Variants in NCOA1 observed in about 807,000 individuals in gnomAD.
The protein encoded by NCOA1 is nuclear receptor coactivator 1.
NCOA1 carries 35 observed loss-of-function variants against 150.9 expected under a neutral mutation model. That is an observed-to-expected ratio of 0.23 (90% CI 0.18 to 0.31). The LOEUF (loss-of-function observed/expected upper bound fraction) is 0.31, where lower values mean the gene tolerates loss of function less well. NCOA1 is among the 10% of genes least tolerant of loss of function. The pLI is 1.00. For missense variants in NCOA1, 1,491 were observed against 1,749.3 expected, an observed-to-expected ratio of 0.85 and a Z score of 2.63; for synonymous variants, 590 against 630.0, an observed-to-expected ratio of 0.94 and a Z score of 0.95.
chr2:24,714,702 A>G (rs993321511), intron 14 of NCOA1, among the ~76,000 whole-genome samples: 2 of 152,156 alleles, frequency 1.3e-5, no homozygotes, highest in Non-Finnish European at 2.9e-5. Flanking sequence ...CTGTGGAACA[A>G]TACAAAGCAG....
At chr2:24,717,396 C>A (rs1303012062) in intron 14 of NCOA1, among the ~76,000 whole-genome samples, 1 of 152,172 alleles carries the variant, frequency 6.6e-6, no homozygotes, top group African/African-American at 2.4e-5. Flanking sequence ...TCTGAAAAGG[C>A]TACACATCCT....
At chr2:24,687,587 A>G (rs1040417781) in intron 8 of NCOA1, among the ~76,000 whole-genome samples, 16 of 152,168 alleles carry the variant, frequency 1.1e-4, no homozygotes, top group South Asian at 2.1e-4. Context: ...GAAAACTTAC[A>G]ATCATGAGAG....
chr2:24,769,135 T>G lies in NCOA1; in HGVS notation c.*744T>G, dbSNP rs759498662. ...GTTGTGTCAATTATTGTAGATACAA[T>G]TTTCTGATTAAATCTGGAAAAATAA... On this transcript the variant is annotated 3_prime_UTR_variant, in exon 23 of 23. Transcript: ENST00000348332. The G allele has an allele frequency of 4.8e-6, 1 of 207,046 alleles. No homozygotes were observed. Among genetic ancestry groups the G allele is most frequent in the Non-Finnish European group, 9.9e-6 (1 of 101,282 alleles). 12.8% of individuals were successfully genotyped at this position (207,046 alleles called of 1,614,324 possible). A position where few individuals can be genotyped will look rare whatever the true frequency, so the allele number is the denominator to read the frequency against.
At chr2:24,698,617 T>C (rs1487819820) in intron 11 of NCOA1, among the ~76,000 whole-genome samples, 2 of 152,166 alleles carry the variant, frequency 1.3e-5, no homozygotes, top group Non-Finnish European at 2.9e-5. Flanking sequence ...TTTAAAAATA[T>C]TGTCATTTAA....
intron 3 of NCOA1, among the ~76,000 whole-genome samples, chr2:24,599,341 G>A (rs545423434): frequency 1.3e-5 from 2 of 152,208 alleles, no homozygotes; most frequent in South Asian, 4.1e-4. Context: ...AGGGGAAACT[G>A]GCATACTTTT....
At chr2:24,717,515 G>A (rs1005369364) in intron 14 of NCOA1, among the ~76,000 whole-genome samples, 7 of 152,136 alleles carry the variant, frequency 4.6e-5, no homozygotes, top group African/African-American at 7.2e-5. Context: ...GGATGAATAA[G>A]GAGAACACAG....
At chr2:24,608,469 C>T (rs1221604774) in intron 3 of NCOA1, among the ~76,000 whole-genome samples, 1 of 150,970 alleles carries the variant, frequency 6.6e-6, no homozygotes, top group Non-Finnish European at 1.5e-5. Flanking sequence ...GGGTTTCACC[C>T]TGTTAGCCAG....
At chr2:24,551,996 C>T (rs1665848371) in intron 1 of NCOA1, among the ~76,000 whole-genome samples, 1 of 152,000 alleles carries the variant, frequency 6.6e-6, no homozygotes, top group African/African-American at 2.4e-5. Context: ...CCTTCTATTC[C>T]ATTATCTTTG....
chr2:24,681,551 A>C (rs965981315), intron 7 of NCOA1, among the ~76,000 whole-genome samples: 3 of 152,212 alleles, frequency 2.0e-5, no homozygotes, highest in African/African-American at 4.8e-5. Flanking sequence ...TAACACTTCC[A>C]AACATCCATT....
At chr2:24,591,675 T>G (rs1326346114) in intron 3 of NCOA1, among the ~76,000 whole-genome samples, 1 of 152,192 alleles carries the variant, frequency 6.6e-6, no homozygotes, top group Non-Finnish European at 1.5e-5. Context: ...TCTGAATTGA[T>G]GCATCTACTC....
chr2:24,675,064 T>C (rs754542099), intron 7 of NCOA1, among the ~76,000 whole-genome samples: 1 of 152,230 alleles, frequency 6.6e-6, no homozygotes, highest in Non-Finnish European at 1.5e-5. Context: ...CTCAGATTTC[T>C]TTCCTTAATT....
intron 3 of NCOA1, among the ~76,000 whole-genome samples, chr2:24,605,072 C>T (rs1453495551): frequency 6.6e-6 from 1 of 152,082 alleles, no homozygotes; most frequent in East Asian, 1.9e-4. Context: ...AAGTTCGCTG[C>T]CTTATGTGGG....
At chr2:24,765,571 G>A (rs1452510506) in intron 22 of NCOA1, among the ~76,000 whole-genome samples, 1 of 151,566 alleles carries the variant, frequency 6.6e-6, no homozygotes, top group Admixed American at 6.6e-5. Context: ...CAAACCCACA[G>A]AGACATTACT....
At position 24,491,422 on chromosome 2, in the gene NCOA1, C is replaced by T. The variant is rs1163369432; in HGVS notation, c.-576C>T. Among the ~76,000 whole-genome samples, 2 of 61,640 alleles carry T rather than the reference C, an allele frequency of 3.2e-5. No homozygotes were observed. The highest frequency in any genetic ancestry group is 8.3e-4 in the East Asian group (2 of 2,400). The allele number at this position is 61,640 out of a possible 152,430, so 40.4% of individuals were successfully genotyped here. A position where few individuals can be genotyped will look rare whatever the true frequency, so the allele number is the denominator to read the frequency against. ...CGCCGCCTGTTCGCTGCTGCTCCCT[C>T]GAGCGGAGCCTGCGTCAGGTTCCCT... On this transcript the variant is annotated 5_prime_UTR_variant, in exon 1 of 23. Coordinates refer to ENST00000348332, the MANE Select transcript of NCOA1 (RefSeq NM_003743.5).
In NCOA1 at chr2:24,752,109, G is replaced by A. The variant is rs780864499; in HGVS notation, c.3834G>A (p.Gln1278=). 67 of 1,614,122 alleles carry A rather than the reference G, an allele frequency of 4.2e-5. No individual in the cohort carries two copies. In the South Asian group the frequency reaches 6.6e-4, roughly 16 times the overall value. The stretch of plus-strand genomic sequence containing the variant: ...AAACTCCACCTGCCTCCGGGTATCA[G>A]TCACCAGACATGAAGGCCTGGCAGC... ...LQQTPPASGY[Q]SPDMKAWQQG... is the part of the protein sequence containing the mutation. Residue 1278 remains glutamine, a synonymous_variant, in exon 20 of 23, where the codon CAG becomes CAA. Coordinates refer to ENST00000348332, the MANE Select transcript of NCOA1 (RefSeq NM_003743.5).
chr2:24,494,578 G>C (rs926670611), intron 1 of NCOA1, among the ~76,000 whole-genome samples: 5 of 152,152 alleles, frequency 3.3e-5, no homozygotes, highest in African/African-American at 9.7e-5. Flanking sequence ...ATTGGTTTTT[G>C]CCTTTTAAAT....
chr2:24,512,136 C>G (rs1451527510), intron 1 of NCOA1, among the ~76,000 whole-genome samples: 1 of 152,196 alleles, frequency 6.6e-6, no homozygotes, highest in Non-Finnish European at 1.5e-5. Context: ...GCAGTTGAAT[C>G]TCTTAGAGTA....
intron 2 of NCOA1, among the ~76,000 whole-genome samples, chr2:24,568,797 T>G (rs1005548797): frequency 2.0e-5 from 3 of 152,178 alleles, no homozygotes; most frequent in African/African-American, 7.2e-5. Context: ...GGAAAAGCAA[T>G]TACTGTCATG....
chr2:24,768,436 A>T lies in NCOA1; in HGVS notation c.*45A>T. 1.5e-6 allele frequency: 2 copies of T among 1,321,778 alleles called. No homozygotes were observed. The highest frequency in any genetic ancestry group is 1.0e-6 in the Non-Finnish European group (1 of 1,001,748). The allele number at this position is 1,321,778 out of a possible 1,614,324, so 81.9% of individuals were successfully genotyped here. A position where few individuals can be genotyped will look rare whatever the true frequency, so the allele number is the denominator to read the frequency against. On this transcript the variant is annotated 3_prime_UTR_variant, in exon 23 of 23. Transcript: ENST00000348332. ...AAATTTAAATAATAGACATACAGAG[A>T]TATACAAATATATTATATATTTTTC...
Sources: gnomAD v4.1 joint callset for allele counts (sites outside exome capture counted in the v4.1 genomes callset) on GRCh38, gnomAD v4.1.1 for gene constraint, MANE v1.5 for transcripts, NCBI Gene and HGNC (gene_info 2026-07-23, HGNC 2026-07-21) for gene names.